The following PKN2 variants were observed in gnomAD, a reference collection of about 807,000 sequenced individuals.
PKN2 encodes protein kinase N2, also known as serine/threonine-protein kinase N2.
A neutral mutation model predicts 119.1 loss-of-function variants in PKN2; 38 were observed. The ratio of observed to expected loss-of-function variants is 0.32; its 90% confidence interval spans 0.25 to 0.42. PKN2 has a LOEUF of 0.42. PKN2 is among the 10% of genes least tolerant of loss of function. The probability of loss-of-function intolerance (pLI) is 1.00; values close to 1 mark genes in which losing one functional copy is unlikely to be tolerated. For missense variants in PKN2, 850 were observed against 1,165.1 expected (o/e 0.73, Z 3.94); for synonymous variants, 390 against 384.9 (o/e 1.01, Z -0.15).
At chr1:88,785,412 C>T (rs114708688) in intron 7 of PKN2, among the ~76,000 whole-genome samples, 2,954 of 152,218 alleles carry the variant, frequency 0.019, 95 homozygotes, top group African/African-American at 0.066. Context: ...GTGTGAGCCA[C>T]CATCTCCAGC....
At chr1:88,728,641 G>A (rs1448937515) in intron 1 of PKN2, among the ~76,000 whole-genome samples, 2 of 152,122 alleles carry the variant, frequency 1.3e-5, no homozygotes, top group African/African-American at 2.4e-5. Flanking sequence ...TGGGTTAACA[G>A]TTCTGATCCT....
chr1:88,788,631 G>T (rs759492932), intron 8 of PKN2, among the ~76,000 whole-genome samples: 1 of 152,010 alleles, frequency 6.6e-6, no homozygotes, highest in South Asian at 2.1e-4. Context: ...TTTTAGTAGA[G>T]ATGGGGGTTC....
intron 2 of PKN2, among the ~76,000 whole-genome samples, chr1:88,753,289 G>A (rs1669072743): frequency 6.6e-6 from 1 of 152,014 alleles, no homozygotes; most frequent in Non-Finnish European, 1.5e-5. Context: ...CACTTTATCT[G>A]TTCTTCGTTA....
At chr1:88,790,410 ATTAC>A (rs1275328513) in intron 8 of PKN2, among the ~76,000 whole-genome samples, 1 of 152,216 alleles carries the variant, frequency 6.6e-6, no homozygotes, top group East Asian at 1.9e-4. Flanking sequence ...CGGTTTTGCC[ATTAC>A]TTTTGATTGC....
At chr1:88,709,588 G>A (rs1022872407) in intron 1 of PKN2, among the ~76,000 whole-genome samples, 5 of 152,052 alleles carry the variant, frequency 3.3e-5, no homozygotes, top group African/African-American at 1.2e-4. Flanking sequence ...TAGAAACTTA[G>A]GGTTAAAATT....
At chr1:88,791,429 C>CAA (rs1215928678) in intron 8 of PKN2, among the ~76,000 whole-genome samples, 30 of 84,056 alleles carry the variant, frequency 3.6e-4, no homozygotes, top group African/African-American at 9.7e-4. Flanking sequence ...AACTCTGTCT[C>CAA]AAAAAAAAAA....
chr1:88,807,747 G>T lies in PKN2; in HGVS notation c.2074G>T (p.Asp692Tyr). The change falls in exon 15 of 22, where the codon GAT becomes TAT. Residue 692 changes from aspartate (D) to tyrosine (Y), a missense_variant. This residue lies in a region of PKN2 where 216 missense variants were observed against 252.8 expected (regional missense o/e 0.85). Coordinates refer to ENST00000370521, the MANE Select transcript of PKN2 (RefSeq NM_006256.4). ...MFAIKALKKG[D>Y]IVARDEVDSL... ...TGCTATAAAAGCCTTAAAGAAAGGA[G>T]ATATTGTGGCTCGAGATGAAGTAGA... 6.3e-7 allele frequency: 1 copy of T among 1,599,738 alleles called. No individual in the cohort carries two copies. The highest frequency in any genetic ancestry group is 8.5e-7 in the Non-Finnish European group (1 of 1,171,812).
Position 88,804,393 on chromosome 1 carries a change from A to T in PKN2, c.1284A>T (p.Ser428=), listed in dbSNP as rs752642398. 3 of 1,606,472 alleles carry T rather than the reference A, an allele frequency of 1.9e-6. No individual in the cohort carries two copies. In the South Asian group the frequency reaches 3.3e-5, roughly 18 times the overall value. Residue 428 remains serine (S), a splice_region_variant and synonymous_variant, in exon 9 of 22, where the codon TCA becomes TCT. Coordinates refer to ENST00000370521, the MANE Select transcript of PKN2 (RefSeq NM_006256.4). ...DQKFTLELDR[S]RELEISVYWR... The stretch of plus-strand genomic sequence containing the variant: ...ATTATTTTTTTTAATTATCCTAGTC[A>T]CGTGAACTGGAAATTTCAGTTTATT...
intron 1 of PKN2, among the ~76,000 whole-genome samples, chr1:88,687,115 TACTC>T: frequency 6.6e-6 from 1 of 152,254 alleles, no homozygotes; most frequent in South Asian, 2.1e-4. Context: ...GAATTTGAAA[TACTC>T]CACTGCTTGA....
At chr1:88,820,186 ATATAT>A in intron 16 of PKN2, among the ~76,000 whole-genome samples, 1 of 3,306 alleles carries the variant, frequency 3.0e-4, no homozygotes, top group South Asian at 8.1e-3. Context: ...AAACCTATAT[ATATAT>A]ATATATATAT....
chr1:88,805,866 G>T (rs778289255), intron 11 of PKN2, 25 bp from the exon 12 acceptor site: 22 of 1,612,306 alleles, frequency 1.4e-5, no homozygotes. Flanking sequence ...TTACTGTTTT[G>T]GTGAGTTACT....
chr1:88,787,106 A>G (rs1197607938), intron 8 of PKN2, among the ~76,000 whole-genome samples: 2 of 151,940 alleles, frequency 1.3e-5, no homozygotes, highest in South Asian at 2.1e-4. Flanking sequence ...CAAGAGTAGT[A>G]TATGTAAAAT....
intron 8 of PKN2, among the ~76,000 whole-genome samples, chr1:88,796,038 TTTA>T (rs1671050695): frequency 6.6e-6 from 1 of 152,192 alleles, no homozygotes; most frequent in Non-Finnish European, 1.5e-5. Flanking sequence ...TCTACAAACA[TTTA>T]TTGAGTGTGC....
At chr1:88,795,253 T>C (rs1671015116) in intron 8 of PKN2, among the ~76,000 whole-genome samples, 1 of 152,206 alleles carries the variant, frequency 6.6e-6, no homozygotes. Context: ...TCTATGATCA[T>C]TCAAGTTGCC....
At chr1:88,699,227 T>C (rs932715658) in intron 1 of PKN2, among the ~76,000 whole-genome samples, 1 of 152,176 alleles carries the variant, frequency 6.6e-6, no homozygotes, top group Non-Finnish European at 1.5e-5. Context: ...CCTATTTCTT[T>C]AAATTTTCTC....
At chr1:88,819,792 A>T (rs185514379) in intron 16 of PKN2, among the ~76,000 whole-genome samples, 72 of 152,332 alleles carry the variant, frequency 4.7e-4, no homozygotes, top group African/African-American at 1.7e-3. Context: ...CATAAAGAAA[A>T]TGTGGCACAT....
At chr1:88,703,495 G>A (rs2100669549) in intron 1 of PKN2, among the ~76,000 whole-genome samples, 1 of 152,214 alleles carries the variant, frequency 6.6e-6, no homozygotes, top group Non-Finnish European at 1.5e-5. Context: ...ATGTTACAAA[G>A]CAAGTTAGCC....
chr1:88,772,866 G>A (rs147054399), intron 6 of PKN2, among the ~76,000 whole-genome samples: 32 of 151,788 alleles, frequency 2.1e-4, no homozygotes, highest in African/African-American at 6.5e-4. Context: ...TTCTTTGATC[G>A]TGTTCTAATA....
intron 1 of PKN2, among the ~76,000 whole-genome samples, chr1:88,706,193 A>C (rs890046607): frequency 6.6e-5 from 10 of 152,156 alleles, no homozygotes; most frequent in African/African-American, 2.2e-4. Flanking sequence ...TATTCAGTGT[A>C]TGGGTCTTTT....
Sources: allele counts gnomAD v4.1 joint callset (sites outside exome capture counted in the v4.1 genomes callset), GRCh38; gene constraint gnomAD v4.1.1; regional missense constraint gnomAD v4.1.1; transcripts MANE v1.5; gene names NCBI Gene and HGNC (gene_info 2026-07-23, HGNC 2026-07-21).